TRAPPC12: variants seen among roughly 807,000 people sequenced by gnomAD.
TRAPPC12 encodes the protein trafficking protein particle complex subunit 12.
TRAPPC12 carries 61 observed loss-of-function variants against 69.2 expected under a neutral mutation model. The ratio of observed to expected loss-of-function variants is 0.88; its 90% CI spans 0.72 to 1.09. The LOEUF (loss-of-function observed/expected upper bound fraction) is 1.09, where lower values mean the gene tolerates loss of function less well. TRAPPC12 is among the 50% of genes least tolerant of loss of function. The pLI is 0.00. For synonymous variants in TRAPPC12, 469 were observed against 438.9 expected (o/e 1.07, Z -0.86); for missense variants, 1,101 against 1,016.4 (o/e 1.08, Z -1.13).
intron 3 of TRAPPC12, among the ~76,000 whole-genome samples, chr2:3,419,995 C>T (rs1662685311): frequency 6.6e-6 from 1 of 152,256 alleles, no homozygotes; most frequent in African/African-American, 2.4e-5. Flanking sequence ...ACCCAGCAAT[C>T]CAGTTACTGC....
chr2:3,439,824 T>C (rs376974023), intron 5 of TRAPPC12, among the ~76,000 whole-genome samples: 9 of 152,192 alleles, frequency 5.9e-5, no homozygotes, highest in African/African-American at 1.9e-4. Context: ...GTTTTTGCAC[T>C]TTACATGTAG....
At chr2:3,434,152 G>C (rs190836543) in intron 5 of TRAPPC12, among the ~76,000 whole-genome samples, 131 of 152,330 alleles carry the variant, frequency 8.6e-4, no homozygotes, top group Non-Finnish European at 6.9e-4. Flanking sequence ...TTGAAGAGGG[G>C]AGTAGTTTCC....
At chr2:3,425,703 C>CA (rs1290774035) in intron 5 of TRAPPC12, among the ~76,000 whole-genome samples, 1 of 152,148 alleles carries the variant, frequency 6.6e-6, no homozygotes, top group Non-Finnish European at 1.5e-5. Flanking sequence ...AGTGGAGCTA[C>CA]AGAGAATGGT....
At chr2:3,399,086 G>A (rs554547315) in intron 2 of TRAPPC12, among the ~76,000 whole-genome samples, 7 of 152,354 alleles carry the variant, frequency 4.6e-5, no homozygotes, top group South Asian at 2.1e-4. Flanking sequence ...GTCCTAAGAC[G>A]CTTGTCACAT....
chr2:3,424,595 C>G lies in TRAPPC12; in HGVS notation c.1349C>G (p.Pro450Arg). 1 of 1,614,028 alleles carries G rather than the reference C, an allele frequency of 6.2e-7. No homozygotes were observed. The highest frequency in any genetic ancestry group is 8.5e-7 in the Non-Finnish European group (1 of 1,179,994). The change falls in exon 5 of 12, where the codon CCC becomes CGC. Residue 450 changes from proline (P) to arginine (R), a missense_variant. By Grantham distance (103) the Pro-to-Arg change is moderately radical. Transcript: ENST00000324266. Reference protein sequence around the residue: ...LFQNAEMEFEPFGNLDQPDLY... With the variant: ...LFQNAEMEFERFGNLDQPDLY... ...CAGAATGCTGAGATGGAATTTGAAC[C>G]CTTCGGAAATCTTGATCAGCCAGAT...
At chr2:3,445,356 G>A (rs1483187339) in intron 6 of TRAPPC12, among the ~76,000 whole-genome samples, 1 of 152,168 alleles carries the variant, frequency 6.6e-6, no homozygotes, top group East Asian at 1.9e-4. Context: ...CTGCACTCCA[G>A]TCTGGGCAAC....
chr2:3,395,085 T>C (rs1366883857), intron 2 of TRAPPC12, among the ~76,000 whole-genome samples: 1 of 152,252 alleles, frequency 6.6e-6, no homozygotes, highest in Non-Finnish European at 1.5e-5. Flanking sequence ...TGCATTTAGC[T>C]CTATAAGAAA....
chr2:3,381,972 C>A (rs1660231611), intron 1 of TRAPPC12, among the ~76,000 whole-genome samples: 1 of 152,138 alleles, frequency 6.6e-6, no homozygotes, highest in East Asian at 1.9e-4. Context: ...TCTACTCATT[C>A]TTTGTGCAAA....
intron 5 of TRAPPC12, among the ~76,000 whole-genome samples, chr2:3,436,934 C>T (rs1488188231): frequency 1.1e-4 from 16 of 141,436 alleles, no homozygotes; most frequent in Non-Finnish European, 1.5e-5. Context: ...CCCCACCACC[C>T]CTGGATTAAT....
intron 2 of TRAPPC12, among the ~76,000 whole-genome samples, chr2:3,399,331 C>G (rs1471922310): frequency 6.6e-6 from 1 of 152,186 alleles, no homozygotes; most frequent in East Asian, 1.9e-4. Flanking sequence ...CTGAGATGCT[C>G]TTTGTCTGAG....
At chr2:3,398,553 G>A (rs12619087) in intron 2 of TRAPPC12, among the ~76,000 whole-genome samples, 20 of 152,014 alleles carry the variant, frequency 1.3e-4, no homozygotes, top group Non-Finnish European at 2.4e-4. Context: ...TTTCAGCAGC[G>A]CTACCCCGTG....
Position 3,387,902 on chromosome 2 carries a change from G to C in TRAPPC12, c.279G>C (p.Glu93Asp). ...GDLGRVRDEA[E>D]PGGEGDPGPE... is the part of the protein sequence containing the mutation. ...TGGGCCGAGTGCGGGACGAAGCTGA[G>C]CCCGGAGGGGAAGGCGACCCAGGCC... Residue 93 changes from glutamate to aspartate, a missense_variant, in exon 2 of 12, where the codon GAG becomes GAC. Physicochemically the swap from Glu to Asp is conservative, Grantham distance 45. Transcript: ENST00000324266. 2.6e-6 allele frequency: 4 copies of C among 1,554,206 alleles called. No individual in the cohort carries two copies. The South Asian group carries it at 3.6e-5, about 14-fold the overall frequency.
At chr2:3,449,693 G>A (rs558784390) in intron 6 of TRAPPC12, among the ~76,000 whole-genome samples, 10 of 152,302 alleles carry the variant, frequency 6.6e-5, no homozygotes, top group East Asian at 1.9e-4. Flanking sequence ...GAGAACAGGC[G>A]TGGCTGGCCT....
intron 1 of TRAPPC12, among the ~76,000 whole-genome samples, chr2:3,381,683 T>A (rs1486275586): frequency 6.6e-6 from 1 of 152,196 alleles, no homozygotes; most frequent in Admixed American, 6.5e-5. Context: ...GTAACACACA[T>A]GTGAGATTTA....
At position 3,388,347 on chromosome 2, in the gene TRAPPC12, TC is replaced by T; in HGVS notation, c.728del (p.Pro243ArgfsTer56). On this transcript the variant is annotated frameshift_variant, in exon 2 of 12. Coordinates refer to ENST00000324266, the MANE Select transcript of TRAPPC12 (RefSeq NM_016030.6). LOFTEE classifies it high-confidence loss of function. ...TTCCGTCAGCAATCCCGGCGCGGGC[TC>T]CCCGGCCCCCGCCAGCCCGCCTCCC... ...FISVSNPGAG[S>X]PAPASPPPLA... The T allele has an allele frequency of 6.3e-7, 1 of 1,575,096 alleles. No individual in the cohort carries two copies. The highest frequency in any genetic ancestry group is 1.4e-5 in the African/African-American group (1 of 72,810).
chr2:3,401,650 A>C, intron 2 of TRAPPC12, 127 bp from the exon 3 acceptor site: 1 of 520,204 alleles, frequency 1.9e-6, no homozygotes, highest in Non-Finnish European at 3.4e-6. Flanking sequence ...TTACGATACT[A>C]TAACCGTTAC....
chr2:3,469,450 C>T (rs1373363507), intron 9 of TRAPPC12, among the ~76,000 whole-genome samples: 3 of 152,176 alleles, frequency 2.0e-5, no homozygotes, highest in African/African-American at 7.2e-5. Flanking sequence ...CAGTGGAATC[C>T]GCAGTGGCTG....
chr2:3,459,897 C>T (rs565950957), intron 7 of TRAPPC12: 139 of 346,704 alleles, frequency 4.0e-4, no homozygotes, highest in African/African-American at 2.9e-3. Context: ...CCCTCCCAGC[C>T]TTGTCGAGCT....
At chr2:3,431,369 C>T (rs1025993356) in intron 5 of TRAPPC12, among the ~76,000 whole-genome samples, 1 of 152,256 alleles carries the variant, frequency 6.6e-6, no homozygotes, top group Non-Finnish European at 1.5e-5. Context: ...TCCCAGGAAA[C>T]ATCATCCAGC....
Sources: gnomAD v4.1 joint callset for allele counts (sites outside exome capture counted in the v4.1 genomes callset) on GRCh38, gnomAD v4.1.1 for gene constraint, MANE v1.5 for transcripts, NCBI Gene and HGNC (gene_info 2026-07-23, HGNC 2026-07-21) for gene names.